Variants in GSPT1 observed in about 807,000 individuals in gnomAD.
The protein encoded by GSPT1 is G1 to S phase transition 1, also known as eukaryotic peptide chain release factor GTP-binding subunit ERF3A.
In GSPT1, 20 loss-of-function variants were observed where a neutral mutation model predicts 72.5. The observed-to-expected ratio is 0.28, with a 90% CI of 0.19 to 0.40. The LOEUF (loss-of-function observed/expected upper bound fraction) is 0.40, where lower values mean the gene tolerates loss of function less well. Among genes scored for constraint, GSPT1 ranks in the 10% least tolerant of loss-of-function variants. GSPT1 has a pLI of 1.00. For missense variants in GSPT1, 580 were observed against 811.9 expected, an observed-to-expected ratio of 0.71 and a Z score of 3.47; for synonymous variants, 334 against 293.5, an observed-to-expected ratio of 1.14 and a Z score of -1.41.
intron 4 of GSPT1, chr16:11,895,628 A>G (rs898742105): frequency 2.0e-5 from 3 of 151,606 alleles, no homozygotes; most frequent in African/African-American, 7.3e-5. Flanking sequence ...GCTCCTTTAC[A>G]CCTTTTTTTC....
In GSPT1 at chr16:11,897,789, G is replaced by C. The variant is rs1596469924; in HGVS notation, c.436+51C>G. On this transcript the variant is annotated intron_variant, in intron 3 of 14. Coordinates refer to ENST00000434724, the MANE Select transcript of GSPT1 (RefSeq NM_002094.4). ...TTACATAATGCACCTTAAATCTTGA[G>C]AGTGAAAGAGTTTCATATTACTGTA... The C allele has an allele frequency of 3.4e-6, 3 of 879,100 alleles. No homozygotes were observed. The East Asian group carries it at 7.9e-5, about 23-fold the overall frequency. 54.5% of individuals were successfully genotyped at this position (879,100 alleles called of 1,614,324 possible). A position where few individuals can be genotyped will look rare whatever the true frequency, so the allele number is the denominator to read the frequency against.
At chr16:11,909,333 C>T (rs1237885231) in intron 1 of GSPT1, among the ~76,000 whole-genome samples, 7 of 152,154 alleles carry the variant, frequency 4.6e-5, no homozygotes, top group Non-Finnish European at 1.0e-4. Context: ...CTTTGTTAAA[C>T]TCTACTGAAA....
At position 11,879,756 on chromosome 16, in the gene GSPT1, C is replaced by A. The variant is rs376885186; in HGVS notation, c.1429-2176G>T. 3.2e-3 allele frequency among the ~76,000 whole-genome samples: 448 copies of A among 139,366 alleles called. 9 individuals are homozygous for A. The East Asian group carries it at 0.055, about 17-fold the overall frequency. The allele number at this position is 139,366 out of a possible 152,430, so 91.4% of individuals were successfully genotyped here. On this transcript the variant is annotated intron_variant, in intron 11 of 14. Transcript: ENST00000434724. Reference sequence around the variant, plus strand: ...TCCGTCTCAAAAAAAAAAAAAAAAACAAAACAAAAAACAAAAAACAATCTG... The same window carrying A: ...TCCGTCTCAAAAAAAAAAAAAAAAAAAAAACAAAAAACAAAAAACAATCTG...
intron 1 of GSPT1, among the ~76,000 whole-genome samples, chr16:11,913,784 A>G (rs1464610097): frequency 6.6e-6 from 1 of 152,252 alleles, no homozygotes; most frequent in Non-Finnish European, 1.5e-5. Flanking sequence ...AAGAATTACA[A>G]GCTAAGCTTC....
At chr16:11,914,584 C>G (rs1451404345) in intron 1 of GSPT1, among the ~76,000 whole-genome samples, 2 of 152,170 alleles carry the variant, frequency 1.3e-5, no homozygotes, top group Non-Finnish European at 2.9e-5. Flanking sequence ...TCCAAGCAAT[C>G]TGAATAAGGT....
At position 11,871,467 on chromosome 16, in the gene GSPT1, C is replaced by T. The variant is rs1485202054; in HGVS notation, c.*1652G>A. 2 of 152,138 alleles carry T rather than the reference C, an allele frequency of 1.3e-5. No homozygotes were observed. The highest frequency in any genetic ancestry group is 4.8e-5 in the African/African-American group (2 of 41,414). The allele number at this position is 152,138 out of a possible 1,614,324, so 9.4% of individuals were successfully genotyped here. A position where few individuals can be genotyped will look rare whatever the true frequency, so the allele number is the denominator to read the frequency against. Reference sequence around the variant, plus strand: ...CCTGTAATCCCAGCTACTCAAGAGGCTGAGGCAGGAAATTGCTTGAATCCG... The same window carrying T: ...CCTGTAATCCCAGCTACTCAAGAGGTTGAGGCAGGAAATTGCTTGAATCCG... On this transcript the variant is annotated 3_prime_UTR_variant, in exon 15 of 15. Transcript: ENST00000434724.
chr16:11,903,392 C>G (rs181287985), intron 1 of GSPT1, among the ~76,000 whole-genome samples: 89 of 152,182 alleles, frequency 5.8e-4, no homozygotes, highest in African/African-American at 2.1e-3. Flanking sequence ...GCCTATAATC[C>G]CAGATACTCA....
chr16:11,914,958 T>C (rs1393030056), intron 1 of GSPT1: 1 of 1,227,720 alleles, frequency 8.1e-7, no homozygotes, highest in Non-Finnish European at 1.1e-6. Context: ...CCATTCGTCC[T>C]CCCCAACTCC....
At chr16:11,879,816 AAAAT>A (rs2054099582) in intron 11 of GSPT1, among the ~76,000 whole-genome samples, 1 of 152,234 alleles carries the variant, frequency 6.6e-6, no homozygotes, top group Non-Finnish European at 1.5e-5. Flanking sequence ...ATCAAAGTAA[AAAAT>A]AACCAATTTT....
At chr16:11,894,274 G>A (rs958458404) in intron 5 of GSPT1, among the ~76,000 whole-genome samples, 1 of 147,884 alleles carries the variant, frequency 6.8e-6, no homozygotes, top group Non-Finnish European at 1.5e-5. Flanking sequence ...ATTTAGAGAA[G>A]CAATTAAAAA....
Position 11,881,280 on chromosome 16 carries a change from A to T in GSPT1, c.1428+1735T>A, listed in dbSNP as rs117291729. 9.6e-3 allele frequency: 1,468 copies of T among 152,286 alleles called. 13 individuals are homozygous for T. The highest frequency in any genetic ancestry group is 0.014 in the Non-Finnish European group (956 of 68,042). The allele number at this position is 152,286 out of a possible 1,614,324, so 9.4% of individuals were successfully genotyped here. A position where few individuals can be genotyped will look rare whatever the true frequency, so the allele number is the denominator to read the frequency against. On this transcript the variant is annotated intron_variant, in intron 11 of 14. Coordinates refer to ENST00000434724, the MANE Select transcript of GSPT1 (RefSeq NM_002094.4). ...TGAAGTGAGTTTTTGAGGCTTGCTC[A>T]ACTCTAGGACATTCTATACCTGCCT...
intron 1 of GSPT1, among the ~76,000 whole-genome samples, chr16:11,904,946 A>G (rs2054469829): frequency 6.6e-6 from 1 of 152,188 alleles, no homozygotes; most frequent in Non-Finnish European, 1.5e-5. Flanking sequence ...TCAGCCGGGT[A>G]TAGTGGCACA....
At position 11,883,044 on chromosome 16, in the gene GSPT1, C is replaced by T; in HGVS notation, c.1399G>A (p.Gly467Ser). The stretch of plus-strand genomic sequence containing the variant: ...TTTGGCATCATCACAAGCTGCTGGC[C>T]TTTACAAATAGATCCTGATTCCAGC... Reference protein sequence around the residue: ...GKLESGSICKGQQLVMMPNKH... With the variant: ...GKLESGSICKSQQLVMMPNKH... The change falls in exon 11 of 15, where the codon GGC becomes AGC. Residue 467 changes from glycine (G) to serine (S), a missense_variant. By Grantham distance (56) the Gly-to-Ser change is moderately conservative. Coordinates refer to ENST00000434724, the MANE Select transcript of GSPT1 (RefSeq NM_002094.4). 1 of 1,606,702 alleles carries T rather than the reference C, an allele frequency of 6.2e-7. No individual in the cohort carries two copies.
intron 6 of GSPT1, among the ~76,000 whole-genome samples, chr16:11,889,125 G>C (rs33647): frequency 0.46 from 68,965 of 151,538 alleles, 16,929 homozygotes; most frequent in East Asian, 0.76. Context: ...TAGCTAACAC[G>C]GTGAAACCCT....
chr16:11,892,352 C>A (rs1439303680), intron 5 of GSPT1, among the ~76,000 whole-genome samples: 4 of 150,128 alleles, frequency 2.7e-5, no homozygotes, highest in Non-Finnish European at 5.9e-5. Context: ...CTAAAAAAAA[C>A]AAAAAATCAG....
chr16:11,903,026 T>C (rs1181527927), intron 1 of GSPT1, among the ~76,000 whole-genome samples: 1 of 151,754 alleles, frequency 6.6e-6, no homozygotes, highest in Non-Finnish European at 1.5e-5. Context: ...TTCCAAGACA[T>C]TTTAATCACC....
In GSPT1 at chr16:11,896,932, T is replaced by C. The variant is rs1248106019; in HGVS notation, c.437-147A>G. The C allele has an allele frequency of 1.9e-5, 12 of 630,648 alleles. No individual in the cohort carries two copies. The Admixed American group carries it at 2.2e-4, about 12-fold the overall frequency. 39.1% of individuals were successfully genotyped at this position (630,648 alleles called of 1,614,324 possible). ...TGACACATAAGCAGGAAAACCTCTT[T>C]CATAGCAGAAATGGGTGACAGCTTT... is the stretch of plus-strand genomic sequence containing the variant. On this transcript the variant is annotated intron_variant, in intron 3 of 14. Transcript: ENST00000434724.
At chr16:11,903,239 G>A (rs147620316) in intron 1 of GSPT1, among the ~76,000 whole-genome samples, 8 of 152,130 alleles carry the variant, frequency 5.3e-5, no homozygotes, top group African/African-American at 1.7e-4. Context: ...AGCCAGGCAC[G>A]GTGGCTCATG....
chr16:11,892,604 G>A (rs554781872), intron 5 of GSPT1, among the ~76,000 whole-genome samples: 18 of 150,470 alleles, frequency 1.2e-4, no homozygotes, highest in Admixed American at 4.6e-4. Flanking sequence ...CAAAGCAGGC[G>A]GATCACAAGG....
Sources: allele counts gnomAD v4.1 joint callset (sites outside exome capture counted in the v4.1 genomes callset), GRCh38; gene constraint gnomAD v4.1.1; transcripts MANE v1.5; gene names NCBI Gene and HGNC (gene_info 2026-07-23, HGNC 2026-07-21).